The following CREB3L2 variants were observed in gnomAD, a reference collection of about 807,000 sequenced individuals.
CREB3L2 encodes the protein cyclic AMP-responsive element-binding protein 3-like protein 2.
A neutral mutation model predicts 57.2 loss-of-function variants in CREB3L2; 23 were observed. The observed-to-expected ratio is 0.40, with a 90% confidence interval of 0.29 to 0.57. The LOEUF (loss-of-function observed/expected upper bound fraction) is 0.57, where lower values mean the gene tolerates loss of function less well. Among genes scored for constraint, CREB3L2 ranks in the 20% least tolerant of loss-of-function variants. The probability of loss-of-function intolerance (pLI) is 0.42; values close to 1 mark genes in which losing one functional copy is unlikely to be tolerated. For synonymous variants in CREB3L2, 268 were observed against 265.1 expected (o/e 1.01, Z -0.11); for missense variants, 628 against 634.7 (o/e 0.99, Z 0.11).
At chr7:137,948,932 G>C (rs2117268601) in intron 1 of CREB3L2, among the ~76,000 whole-genome samples, 1 of 152,308 alleles carries the variant, frequency 6.6e-6, no homozygotes, top group Non-Finnish European at 1.5e-5. Context: ...CCAGGCTTAA[G>C]GATGGCTGTC....
At chr7:137,951,469 T>C (rs1801096787) in intron 1 of CREB3L2, among the ~76,000 whole-genome samples, 1 of 152,220 alleles carries the variant, frequency 6.6e-6, no homozygotes, top group African/African-American at 2.4e-5. Context: ...AACCTAATCC[T>C]CTATTTCCCT....
intron 1 of CREB3L2, among the ~76,000 whole-genome samples, chr7:137,972,083 G>C (rs1801517129): frequency 1.3e-5 from 2 of 152,236 alleles, no homozygotes; most frequent in East Asian, 1.9e-4. Flanking sequence ...TAACACAAGA[G>C]AAATTAACAG....
chr7:137,954,574 T>C (rs1189757335), intron 1 of CREB3L2, among the ~76,000 whole-genome samples: 2 of 152,196 alleles, frequency 1.3e-5, no homozygotes, highest in African/African-American at 4.8e-5. Context: ...AGCTTATGCT[T>C]GCGTCCAAAC....
At position 137,877,209 on chromosome 7, in the gene CREB3L2, G is replaced by C. The variant is rs988604643; in HGVS notation, c.*3267C>G. On this transcript the variant is annotated 3_prime_UTR_variant, in exon 12 of 12. Transcript: ENST00000330387. Reference sequence around the variant, plus strand: ...AAAAAAAAACATGGTAATTATAAGGGGTCTGTGAATAAGTTAAACTAAAAG... The same window carrying C: ...AAAAAAAAACATGGTAATTATAAGGCGTCTGTGAATAAGTTAAACTAAAAG... The C allele has an allele frequency of 4.4e-6, 1 of 227,992 alleles. No individual in the cohort carries two copies. Among genetic ancestry groups the C allele is most frequent in the Non-Finnish European group, 8.7e-6 (1 of 114,954 alleles). 14.1% of individuals were successfully genotyped at this position (227,992 alleles called of 1,614,324 possible).
At chr7:137,939,127 T>A (rs1238461737) in intron 1 of CREB3L2, among the ~76,000 whole-genome samples, 3 of 152,156 alleles carry the variant, frequency 2.0e-5, no homozygotes, top group Non-Finnish European at 4.4e-5. Flanking sequence ...CCCAAGAGTA[T>A]CCAACAAGTA....
At chr7:137,962,994 C>T (rs955711125) in intron 1 of CREB3L2, among the ~76,000 whole-genome samples, 8 of 152,222 alleles carry the variant, frequency 5.3e-5, no homozygotes, top group Non-Finnish European at 7.3e-5. Flanking sequence ...ACTGATCTGA[C>T]ATCTGACATC....
At chr7:137,894,551 T>C (rs1799585474) in intron 8 of CREB3L2, among the ~76,000 whole-genome samples, 1 of 152,160 alleles carries the variant, frequency 6.6e-6, no homozygotes, top group Non-Finnish European at 1.5e-5. Context: ...AGGTTTGCCC[T>C]TCGGAGAACA....
At chr7:137,991,162 CT>C (rs527436976) in intron 1 of CREB3L2, among the ~76,000 whole-genome samples, 80 of 146,138 alleles carry the variant, frequency 5.5e-4, no homozygotes, top group Admixed American at 1.0e-3. Context: ...TTTTACATAG[CT>C]TTTTTTTTTT....
chr7:137,987,622 A>G (rs892043750), intron 1 of CREB3L2, among the ~76,000 whole-genome samples: 3 of 152,238 alleles, frequency 2.0e-5, no homozygotes, highest in Admixed American at 1.3e-4. Context: ...GGGAGACAAG[A>G]GATACACGGG....
chr7:137,942,537 T>C (rs1167027524), intron 1 of CREB3L2, among the ~76,000 whole-genome samples: 1 of 152,102 alleles, frequency 6.6e-6, no homozygotes, highest in Non-Finnish European at 1.5e-5. Flanking sequence ...ATTCTTCAAC[T>C]TGGTAGAGTT....
At chr7:137,981,584 T>C (rs1801712437) in intron 1 of CREB3L2, among the ~76,000 whole-genome samples, 2 of 152,070 alleles carry the variant, frequency 1.3e-5, no homozygotes, top group African/African-American at 2.4e-5. Flanking sequence ...CAAAAATATA[T>C]ACCCATGAGT....
At chr7:137,902,486 A>G (rs1799784697) in intron 7 of CREB3L2, among the ~76,000 whole-genome samples, 1 of 152,120 alleles carries the variant, frequency 6.6e-6, no homozygotes, top group African/African-American at 2.4e-5. Flanking sequence ...CCCAAAAGAG[A>G]CAGTAAAGAG....
Position 137,950,100 on chromosome 7 carries a change from G to A in CREB3L2, c.103-21734C>T, listed in dbSNP as rs1426613800. On this transcript the variant is annotated intron_variant, in intron 1 of 11. Transcript: ENST00000330387. ...ACAACTTACCCAAAGTTGCACAGCT[G>A]AGGAAGGGGTAGAACTAGGAAATCA... Among the ~76,000 whole-genome samples the A allele has an allele frequency of 3.3e-5, 5 of 152,200 alleles. No homozygotes were observed. In the East Asian group the frequency reaches 5.8e-4, roughly 18 times the overall value.
At chr7:138,000,816 G>A (rs781638630) in intron 1 of CREB3L2, among the ~76,000 whole-genome samples, 1 of 152,016 alleles carries the variant, frequency 6.6e-6, no homozygotes, top group Non-Finnish European at 1.5e-5. Context: ...CCAAAAACTT[G>A]ACATTAAAAA....
intron 1 of CREB3L2, among the ~76,000 whole-genome samples, chr7:137,987,635 C>A (rs1473915359): frequency 6.6e-6 from 1 of 152,170 alleles, no homozygotes; most frequent in Admixed American, 6.5e-5. Context: ...TACACGGGAG[C>A]TTTTTGTATT....
At chr7:137,971,424 T>C (rs1265712598) in intron 1 of CREB3L2, among the ~76,000 whole-genome samples, 2 of 147,036 alleles carry the variant, frequency 1.4e-5, no homozygotes, top group South Asian at 2.2e-4. Flanking sequence ...CACTCCAGCC[T>C]GGGCATCAGA....
At chr7:137,982,670 G>A (rs1488848503) in intron 1 of CREB3L2, among the ~76,000 whole-genome samples, 1 of 152,134 alleles carries the variant, frequency 6.6e-6, no homozygotes, top group East Asian at 1.9e-4. Context: ...CCAGCCACGT[G>A]GAACTGTGAG....
rs3028655 is a variant in CREB3L2 at position 137,987,375 on chromosome 7, TAA to T, written c.102+14227_102+14228del. ...ATAGGTCTGTGCCTAGTCGTTTGAA[TAA>T]GTTTTCAGTAGCAAAAAAAAACAAA... On this transcript the variant is annotated intron_variant, in intron 1 of 11. Coordinates refer to ENST00000330387, the MANE Select transcript of CREB3L2 (RefSeq NM_194071.4). Among the ~76,000 whole-genome samples the T allele has an allele frequency of 8.6e-3, 1,304 of 152,220 alleles. 18 individuals are homozygous for T. The highest frequency in any genetic ancestry group is 0.03 in the African/African-American group (1,245 of 41,510).
chr7:137,893,762 G>A (rs1301457464), intron 8 of CREB3L2, among the ~76,000 whole-genome samples: 1 of 152,146 alleles, frequency 6.6e-6, no homozygotes, highest in Non-Finnish European at 1.5e-5. Context: ...AAAAGATTAA[G>A]GAATTTTATT....
Sources: gnomAD v4.1 joint callset for allele counts (sites outside exome capture counted in the v4.1 genomes callset) on GRCh38, gnomAD v4.1.1 for gene constraint, MANE v1.5 for transcripts, NCBI Gene and HGNC (gene_info 2026-07-23, HGNC 2026-07-21) for gene names.